ANK1: variants seen among roughly 807,000 people sequenced by gnomAD.
The protein encoded by ANK1 is ankyrin 1.
Under a neutral mutation model 210.4 loss-of-function variants are expected in ANK1, and 51 were observed. That is an observed-to-expected ratio of 0.24 (90% CI 0.19 to 0.31). The LOEUF (loss-of-function observed/expected upper bound fraction) is 0.31, where lower values mean the gene tolerates loss of function less well. Among genes scored for constraint, ANK1 ranks in the 10% least tolerant of loss-of-function variants. ANK1 has a pLI of 1.00. For missense variants in ANK1, 2,051 were observed against 2,504.4 expected, an observed-to-expected ratio of 0.82 and a Z score of 3.86; for synonymous variants, 967 against 1,025.9, an observed-to-expected ratio of 0.94 and a Z score of 1.10.
chr8:41,671,843 C>T (rs764525383), intron 38 of ANK1, among the ~76,000 whole-genome samples: 10 of 145,180 alleles, frequency 6.9e-5, no homozygotes, highest in Non-Finnish European at 1.2e-4. Context: ...CCTCCCGGTG[C>T]CCCGATGTCC....
intron 42 of ANK1, among the ~76,000 whole-genome samples, chr8:41,658,835 G>GTGAGCC (rs1295945325): frequency 1.3e-5 from 2 of 152,200 alleles, no homozygotes; most frequent in Non-Finnish European, 2.9e-5. Context: ...GGAGGTTGCA[G>GTGAGCC]TGAGCCGAGA....
chr8:41,768,208 G>A (rs1013394239), intron 1 of ANK1, among the ~76,000 whole-genome samples: 3 of 152,222 alleles, frequency 2.0e-5, no homozygotes, highest in Non-Finnish European at 2.9e-5. Context: ...ATCAAGAGTA[G>A]GCTCAATTCA....
rs368455280 is a variant in ANK1, at chr8:41,715,635, G to A, written c.1602+17C>T. On this transcript the variant is annotated intron_variant, in intron 14 of 42. Coordinates refer to ENST00000289734, the MANE Select transcript of ANK1 (RefSeq NM_000037.4). ...TGAGCCTGTTGCTTCCTTAGACCAC[G>A]AGGCGGGAGGCTGTACCTTGGTCAT... is the stretch of plus-strand genomic sequence containing the variant. 18 of 1,612,216 alleles carry A rather than the reference G, an allele frequency of 1.1e-5. No homozygotes were observed. In the African/African-American group the frequency reaches 1.2e-4, roughly 11 times the overall value.
chr8:41,665,275 G>A, intron 39 of ANK1: 1 of 1,491,086 alleles, frequency 6.7e-7, no homozygotes, highest in Non-Finnish European at 8.9e-7. Flanking sequence ...TGCCCTGAGT[G>A]GCCCGGGTGA....
At chr8:41,833,510 A>G (rs936036444) in intron 1 of ANK1, among the ~76,000 whole-genome samples, 5 of 152,262 alleles carry the variant, frequency 3.3e-5, no homozygotes, top group African/African-American at 7.2e-5. Flanking sequence ...TGATGCAACA[A>G]GGATAAACGG....
intron 1 of ANK1, among the ~76,000 whole-genome samples, chr8:41,871,081 C>A (rs1024822080): frequency 1.3e-4 from 20 of 152,196 alleles, no homozygotes; most frequent in Non-Finnish European, 2.4e-4. Flanking sequence ...ACGGGCCACA[C>A]CTTTGACTCT....
intron 37 of ANK1, among the ~76,000 whole-genome samples, chr8:41,680,193 C>T (rs1815527128): frequency 1.3e-5 from 2 of 152,160 alleles, no homozygotes; most frequent in African/African-American, 4.8e-5. Flanking sequence ...ACTTGAGGCT[C>T]ATTCATGGAT....
intron 1 of ANK1, among the ~76,000 whole-genome samples, chr8:41,773,426 G>A (rs1378354471): frequency 1.3e-5 from 2 of 152,156 alleles, no homozygotes; most frequent in Non-Finnish European, 2.9e-5. Flanking sequence ...GGGAGGCACA[G>A]CTGAACCTAG....
intron 16 of ANK1, among the ~76,000 whole-genome samples, chr8:41,713,368 C>G (rs1378772526): frequency 6.6e-6 from 1 of 152,206 alleles, no homozygotes; most frequent in Non-Finnish European, 1.5e-5. Context: ...CCACAGCAGG[C>G]AGCCTGTTCC....
At chr8:41,755,922 G>T (rs1232850341) in intron 2 of ANK1, among the ~76,000 whole-genome samples, 1 of 152,188 alleles carries the variant, frequency 6.6e-6, no homozygotes, top group African/African-American at 2.4e-5. Context: ...GCAAATTCCA[G>T]TCAGGTCCAC....
chr8:41,773,965 C>T (rs11776746), intron 1 of ANK1, among the ~76,000 whole-genome samples: 2,577 of 152,260 alleles, frequency 0.017, 28 homozygotes, highest in Non-Finnish European at 0.026. Flanking sequence ...CCAGATGAAG[C>T]GAACAGAATG....
intron 1 of ANK1, among the ~76,000 whole-genome samples, chr8:41,820,565 G>A (rs919017775): frequency 1.3e-5 from 2 of 152,048 alleles, no homozygotes; most frequent in African/African-American, 4.8e-5. Context: ...AATGTTACCT[G>A]TGGCCAGTGT....
chr8:41,815,070 G>T (rs1199038510), intron 1 of ANK1, among the ~76,000 whole-genome samples: 2 of 152,050 alleles, frequency 1.3e-5, no homozygotes, highest in African/African-American at 2.4e-5. Context: ...AATATCAAAA[G>T]GTTTAAACAT....
chr8:41,798,907 C>A (rs1235315838), upstream of ANK1, among the ~76,000 whole-genome samples: 1 of 152,206 alleles, frequency 6.6e-6, no homozygotes, highest in East Asian at 1.9e-4. Flanking sequence ...TTTCCCGCAG[C>A]ACCAAACTGG....
intron 10 of ANK1, 131 bp from the exon 11 acceptor site, chr8:41,718,335 C>G: frequency 1.3e-6 from 1 of 771,166 alleles, no homozygotes; most frequent in Non-Finnish European, 2.2e-6. Flanking sequence ...ATAGACCAAT[C>G]AACGAATTAA....
At chr8:41,872,206 G>A (rs547291309) in intron 1 of ANK1, among the ~76,000 whole-genome samples, 59 of 152,322 alleles carry the variant, frequency 3.9e-4, no homozygotes, top group African/African-American at 1.2e-3. Flanking sequence ...CCGACCCCCT[G>A]TAGGCCTCAG....
intron 11 of ANK1, 106 bp from the exon 12 acceptor site, chr8:41,717,808 A>G (rs2150640181): frequency 8.7e-7 from 1 of 1,153,916 alleles, no homozygotes; most frequent in African/African-American, 1.5e-5. Flanking sequence ...TTTCCAAGAA[A>G]AGGGAGCTAT....
chr8:41,822,235 G>C (rs1804592774), intron 1 of ANK1, among the ~76,000 whole-genome samples: 1 of 152,178 alleles, frequency 6.6e-6, no homozygotes, highest in Admixed American at 6.5e-5. Context: ...CCTGTCTCCA[G>C]TTGACCTCTC....
chr8:41,661,564 C>T lies in ANK1; in HGVS notation c.5545G>A (p.Val1849Met), dbSNP rs572081458. ...SADAAQEHEE[V>M]ELRGSGLQPD... is the part of the protein sequence containing the mutation. Reference sequence around the variant, plus strand: ...TGTAGGCCACTCCCTCTCAGCTCCACCTGCAGACAGCAGCAGAGACAGAAA... The same window carrying T: ...TGTAGGCCACTCCCTCTCAGCTCCATCTGCAGACAGCAGCAGAGACAGAAA... Residue 1849 changes from valine (V) to methionine (M), a missense_variant and splice_region_variant, in exon 42 of 43, where the codon GTG becomes ATG. Physicochemically the swap from Val to Met is conservative, Grantham distance 21. This residue lies in a region of ANK1 where 496 missense variants were observed against 533.4 expected (regional missense o/e 0.93). Coordinates refer to ENST00000289734, the MANE Select transcript of ANK1 (RefSeq NM_000037.4). 6.2e-7 allele frequency: 1 copy of T among 1,613,946 alleles called. No individual in the cohort carries two copies. Among genetic ancestry groups the T allele is most frequent in the Non-Finnish European group, 8.5e-7 (1 of 1,180,050 alleles).
Sources: gnomAD v4.1 joint callset for allele counts (sites outside exome capture counted in the v4.1 genomes callset) on GRCh38, gnomAD v4.1.1 for gene constraint, gnomAD v4.1.1 regional missense constraint, MANE v1.5 for transcripts, NCBI Gene and HGNC (gene_info 2026-07-23, HGNC 2026-07-21) for gene names.